Variants in DST observed in about 807,000 individuals in gnomAD.
DST encodes the protein bullous pemphigoid antigen.
A neutral mutation model predicts 875.2 loss-of-function variants in DST; 253 were observed. That is an observed-to-expected ratio of 0.29 (90% CI 0.26 to 0.32). The LOEUF is 0.32. Ranked by LOEUF, DST falls within the 10% of genes least tolerant of loss-of-function variation. The pLI is 1.00. For synonymous variants in DST, 3,124 were observed against 3,197.1 expected (o/e 0.98, Z 0.77); for missense variants, 8,287 against 9,111.6 (o/e 0.91, Z 3.68).
intron 4 of DST, among the ~76,000 whole-genome samples, chr6:56,741,525 A>G (rs528277069): frequency 6.6e-6 from 1 of 152,334 alleles, no homozygotes; most frequent in East Asian, 1.9e-4. Flanking sequence ...TGTGAATTCT[A>G]AAGGCTTCAA....
chr6:56,843,190 C>T, intron 4 of DST: 1 of 1,507,958 alleles, frequency 6.6e-7, no homozygotes, highest in Non-Finnish European at 9.0e-7. Context: ...CCCTCTCCCC[C>T]TCGTAACCCC....
rs992697499 is a variant in DST, at chr6:56,603,283, C to T, written c.11079G>A (p.Leu3693=). The T allele has an allele frequency of 1.2e-6, 2 of 1,610,114 alleles. No homozygotes were observed. The highest frequency in any genetic ancestry group is 1.7e-6 in the Non-Finnish European group (2 of 1,178,428). The change falls in exon 42 of 104, where the codon TTG becomes TTA. Residue 3693 remains leucine (L), a synonymous_variant. Transcript: ENST00000680361. ...VEELSISHQS[L]KTAFSSLSNV... The stretch of plus-strand genomic sequence containing the variant: ...TGCTGAGGGAAGAGAAGGCGGTCTT[C>T]AAACTCTGGTGGCTAATACTCAATT...
intron 92 of DST, 81 bp from the exon 93 acceptor site, chr6:56,474,083 T>C: frequency 8.5e-7 from 1 of 1,177,220 alleles, no homozygotes; most frequent in Non-Finnish European, 1.2e-6. Context: ...AGCAGAAGGA[T>C]AAAAGAACCA....
In DST at chr6:56,737,323, A is replaced by T. The variant is rs961027454; in HGVS notation, c.626-2034T>A. Among the ~76,000 whole-genome samples, 6 of 152,252 alleles carry T rather than the reference A, an allele frequency of 3.9e-5. No homozygotes were observed. The East Asian group carries it at 5.8e-4, about 15-fold the overall frequency. ...CCAAATTGCCAAGATTTTATTTTTT[A>T]AAAAATTTCATGTTGAAAAGGACAC... On this transcript the variant is annotated intron_variant, in intron 4 of 103. Transcript: ENST00000680361.
intron 66 of DST, among the ~76,000 whole-genome samples, 191 bp downstream of exon 66, chr6:56,529,257 T>C (rs1435304692): frequency 6.6e-6 from 1 of 152,176 alleles, no homozygotes; most frequent in Non-Finnish European, 1.5e-5. Context: ...AAGTGAAATA[T>C]CCAGCTAATT....
chr6:56,568,680 A>G, intron 54 of DST, 85 bp from the exon 55 acceptor site: 1 of 1,214,102 alleles, frequency 8.2e-7, no homozygotes, highest in Non-Finnish European at 1.1e-6. Flanking sequence ...CATATCTTAA[A>G]GTAGTAATAA....
In DST at chr6:56,624,547, T is replaced by C. The variant is rs912296531; in HGVS notation, c.4912A>G (p.Arg1638Gly). ...YIKFAGDSLK[R>G]LEEEEKSLEE... ...ATGATTACCTCCTCCTCTTCCAGCC[T>C]CTTCAATGAATCACCAGCAAATTTA... The change falls in exon 36 of 104, where the codon AGG becomes GGG. Residue 1638 changes from arginine (R) to glycine (G), a missense_variant. Around this residue, in one of 10 missense-constraint regions of DST, gnomAD observed 3,138 missense variants for 3,116.6 expected, o/e 1.01. Transcript: ENST00000680361. 1 of 1,612,228 alleles carries C rather than the reference T, an allele frequency of 6.2e-7. No homozygotes were observed. The highest frequency in any genetic ancestry group is 8.5e-7 in the Non-Finnish European group (1 of 1,178,608).
chr6:56,522,230 C>T (rs971240241), intron 69 of DST, among the ~76,000 whole-genome samples: 1 of 152,080 alleles, frequency 6.6e-6, no homozygotes, highest in Non-Finnish European at 1.5e-5. Context: ...TCATGTATTA[C>T]CATTAACTCC....
rs369954504 is a variant in DST, at chr6:56,631,289, G to T, written c.4064C>A (p.Pro1355His). 2 of 1,613,934 alleles carry T rather than the reference G, an allele frequency of 1.2e-6. No individual in the cohort carries two copies. Among genetic ancestry groups the T allele is most frequent in the Non-Finnish European group, 1.7e-6 (2 of 1,179,886 alleles). Reference protein sequence around the residue: ...FSQAAASSSVPTLRSELNVVL... With the variant: ...FSQAAASSSVHTLRSELNVVL... ...CACATTAAGCTCTGATCGTAGGGTAGGGACTGATGAAGAGGCTGCTGCTTG... is the reference window on the plus strand; with the variant it reads ...CACATTAAGCTCTGATCGTAGGGTATGGACTGATGAAGAGGCTGCTGCTTG... The change falls in exon 30 of 104, where the codon CCT becomes CAT. Residue 1355 changes from proline to histidine, a missense_variant. Pro to His is a moderately conservative substitution (Grantham distance 77). This residue lies in a region of DST where 3,138 missense variants were observed against 3,116.6 expected (regional missense o/e 1.01). Transcript: ENST00000680361.
chr6:56,924,499 T>C (rs1806007610), intron 2 of DST, among the ~76,000 whole-genome samples: 1 of 152,194 alleles, frequency 6.6e-6, no homozygotes, highest in African/African-American at 2.4e-5. Context: ...TGTTCAAAGA[T>C]AGCCTGAGGA....
rs1490804212 is a variant in DST at position 56,859,255 on chromosome 6, T to G, written c.418-7651A>C. Among the ~76,000 whole-genome samples, 3 of 152,174 alleles carry G rather than the reference T, an allele frequency of 2.0e-5. No individual in the cohort carries two copies. In the East Asian group the frequency reaches 5.8e-4, roughly 29 times the overall value. On this transcript the variant is annotated intron_variant, in intron 3 of 103. Coordinates refer to ENST00000680361, the MANE Select transcript of DST (RefSeq NM_001374736.1). The stretch of plus-strand genomic sequence containing the variant: ...CACTTACTCTGTGGTCTCTTTCCAC[T>G]CAAAGATTCTTGGGTCCTATGTGCT...
Position 56,639,555 on chromosome 6 carries a change from ACG to A in DST, c.2752_2753del (p.Arg918CysfsTer3). On this transcript the variant is annotated frameshift_variant, in exon 21 of 104. Coordinates refer to ENST00000680361, the MANE Select transcript of DST (RefSeq NM_001374736.1). LOFTEE classifies it high-confidence loss of function. ...TCAACCAAATAAGTTCATTAGTCGC[ACG>A]ACTTACAAAATTATGGAGTGTATCA... ...HLDTLHNFVS[R>X]ATNELIWLNE... The A allele has an allele frequency of 6.2e-7, 1 of 1,613,918 alleles. No homozygotes were observed. The highest frequency in any genetic ancestry group is 8.5e-7 in the Non-Finnish European group (1 of 1,179,890).
intron 47 of DST, among the ~76,000 whole-genome samples, chr6:56,596,789 A>G (rs1049229167): frequency 8.5e-5 from 13 of 152,212 alleles, no homozygotes; most frequent in Admixed American, 5.9e-4. Flanking sequence ...AATGAGTGAC[A>G]CTTTAAAAGT....
At chr6:56,485,712 C>CTGGTTT in intron 87 of DST, among the ~76,000 whole-genome samples, 1 of 152,134 alleles carries the variant, frequency 6.6e-6, no homozygotes, top group South Asian at 2.1e-4. Context: ...AACCATGGAC[C>CTGGTTT]CTTCATGTTT....
chr6:56,608,544 C>A lies in DST; in HGVS notation c.6084G>T (p.Gln2028His). 6.2e-7 allele frequency: 1 copy of A among 1,613,486 alleles called. No homozygotes were observed. Reference protein sequence around the residue: ...RDTASSILTYQVQTGGIIQSN... With the variant: ...RDTASSILTYHVQTGGIIQSN... Reference sequence around the variant, plus strand: ...ACTGGATGATTCCACCAGTTTGAACCTGATATGTGAGGATACTGCTAGCAG... The same window carrying A: ...ACTGGATGATTCCACCAGTTTGAACATGATATGTGAGGATACTGCTAGCAG... Residue 2028 changes from glutamine to histidine, a missense_variant, in exon 40 of 104, where the codon CAG becomes CAT. Around this residue, in one of 10 missense-constraint regions of DST, gnomAD observed 3,138 missense variants for 3,116.6 expected, o/e 1.01. Coordinates refer to ENST00000680361, the MANE Select transcript of DST (RefSeq NM_001374736.1).
intron 60 of DST, among the ~76,000 whole-genome samples, chr6:56,554,073 CTTTTT>C (rs555704557): frequency 3.7e-5 from 3 of 80,842 alleles, no homozygotes; most frequent in African/African-American, 1.5e-4. Context: ...GCGTCTATGA[CTTTTT>C]TTTTTTTTTT....
At chr6:56,914,618 C>T (rs1800084790) in intron 2 of DST, among the ~76,000 whole-genome samples, 2 of 152,184 alleles carry the variant, frequency 1.3e-5, no homozygotes, top group African/African-American at 4.8e-5. Flanking sequence ...AATAAATCTC[C>T]TGCATAGAGT....
chr6:56,624,449 T>C lies in DST; in HGVS notation c.4929+81A>G, dbSNP rs542262570. The C allele has an allele frequency of 2.2e-3, 1,999 of 892,360 alleles. 3 individuals carry two copies. The highest frequency in any genetic ancestry group is 3.7e-3 in the African/African-American group (229 of 61,136). 55.3% of individuals were successfully genotyped at this position (892,360 alleles called of 1,614,324 possible). A position where few individuals can be genotyped will look rare whatever the true frequency, so the allele number is the denominator to read the frequency against. On this transcript the variant is annotated intron_variant, in intron 36 of 103. Transcript: ENST00000680361. ...CACATAAATTTATCATGAAACATGT[T>C]TTGCTTTCCCAAACTACACTGTAGT...
At chr6:56,476,586 CT>C (rs1274730774) in intron 91 of DST, among the ~76,000 whole-genome samples, 1 of 152,168 alleles carries the variant, frequency 6.6e-6, no homozygotes, top group Non-Finnish European at 1.5e-5. Context: ...CTTTTGCTTT[CT>C]AATTTGAGTT....
Sources: gnomAD v4.1 joint callset for allele counts (sites outside exome capture counted in the v4.1 genomes callset) on GRCh38, gnomAD v4.1.1 for gene constraint, gnomAD v4.1.1 regional missense constraint, MANE v1.5 for transcripts, NCBI Gene and HGNC (gene_info 2026-07-23, HGNC 2026-07-21) for gene names.